P4HTM: variants seen among roughly 807,000 people sequenced by gnomAD.
P4HTM encodes the protein prolyl 4-hydroxylase, transmembrane.
P4HTM carries 33 observed loss-of-function variants against 55.3 expected under a neutral mutation model. That is an observed-to-expected ratio of 0.60 (90% CI 0.45 to 0.80). The LOEUF is 0.80. Among genes scored for constraint, P4HTM ranks in the 30% least tolerant of loss-of-function variants. The pLI, the probability that P4HTM is intolerant of heterozygous loss-of-function variation, is 0.00. For missense variants in P4HTM, 542 were observed against 696.5 expected (o/e 0.78, Z 2.50); for synonymous variants, 272 against 286.4 (o/e 0.95, Z 0.51).
chr3:49,001,646 T>C lies in P4HTM; in HGVS notation c.627+18T>C. On this transcript the variant is annotated intron_variant, in intron 3 of 8. Coordinates refer to ENST00000383729, the MANE Select transcript of P4HTM (RefSeq NM_177939.3). ...TCCGTGAGGTTGGAATCCTGGGACC[T>C]GAGTAGGCTCAGGGTGGGAGTGCCC... is the stretch of plus-strand genomic sequence containing the variant. 2 of 1,601,108 alleles carry C rather than the reference T, an allele frequency of 1.2e-6. No individual in the cohort carries two copies. Among genetic ancestry groups the C allele is most frequent in the Non-Finnish European group, 8.5e-7 (1 of 1,170,872 alleles).
chr3:48,992,473 G>T (rs979292156), intron 2 of P4HTM, among the ~76,000 whole-genome samples: 1 of 151,732 alleles, frequency 6.6e-6, no homozygotes, highest in Middle Eastern at 3.4e-3. Context: ...GGGTGTGGTG[G>T]TGTACACCTG....
Position 49,004,165 on chromosome 3 carries a change from C to T in P4HTM, c.792C>T (p.His264=), listed in dbSNP as rs1394332174. ...LRDFHKYMRS[H]KAESSELVRN... Reference sequence around the variant, plus strand: ...ACTTCCACAAGTACATGAGGAGCCACAAGGCAGAGTCCAGTGAGCTGGTGC... The same window carrying T: ...ACTTCCACAAGTACATGAGGAGCCATAAGGCAGAGTCCAGTGAGCTGGTGC... The change falls in exon 5 of 9, where the codon CAC becomes CAT. Residue 264 remains histidine, a synonymous_variant. Transcript: ENST00000383729. 2 of 1,551,268 alleles carry T rather than the reference C, an allele frequency of 1.3e-6. No homozygotes were observed. Among genetic ancestry groups the T allele is most frequent in the Non-Finnish European group, 8.7e-7 (1 of 1,147,616 alleles).
At position 48,990,385 on chromosome 3, in the gene P4HTM, C is replaced by T. The variant is rs369378345; in HGVS notation, c.129C>T (p.Asp43=). The T allele has an allele frequency of 6.3e-7, 1 of 1,589,248 alleles. No homozygotes were observed. The highest frequency in any genetic ancestry group is 1.1e-5 in the South Asian group (1 of 89,568). Reference sequence around the variant, plus strand: ...CGGCCGGGCTGGGCGACGGCGAGGACGCACCGGTGCGTCCGCTGTGCAAGC... The same window carrying T: ...CGGCCGGGCTGGGCGACGGCGAGGATGCACCGGTGCGTCCGCTGTGCAAGC... ...QAAAGLGDGE[D]APVRPLCKPR... Residue 43 remains aspartate (D), a synonymous_variant, in exon 1 of 9, where the codon GAC becomes GAT. Transcript: ENST00000383729. This position sits in a 1 kb window ranked among gnomAD's most constrained non-coding sequence, Gnocchi z 7.2.
In P4HTM at chr3:48,999,122, G is replaced by A. The variant is rs1022190056; in HGVS notation, c.437-2316G>A. On this transcript the variant is annotated intron_variant, in intron 2 of 8. Transcript: ENST00000383729. This position sits in a 1 kb window ranked among gnomAD's most constrained non-coding sequence, Gnocchi z 4.8. ...AACAAAACGATCCATTTTCCTCTCT[G>A]TGCCTGTCAGCGCCCAGCCCTGATA... is the stretch of plus-strand genomic sequence containing the variant. 6.6e-6 allele frequency: 1 copy of A among 152,194 alleles called. No homozygotes were observed. Among genetic ancestry groups the A allele is most frequent in the Non-Finnish European group, 1.5e-5 (1 of 68,090 alleles). 9.4% of individuals were successfully genotyped at this position (152,194 alleles called of 1,614,324 possible).
At chr3:49,001,373 G>A (rs1301427753) in intron 2 of P4HTM, 65 bp from the exon 3 acceptor site, 1 of 1,484,036 alleles carries the variant, frequency 6.7e-7, no homozygotes, top group African/African-American at 1.4e-5. Context: ...CTGAAGGGAG[G>A]AAGGTACTGG....
At chr3:49,004,325 T>C in intron 5 of P4HTM, 65 bp downstream of exon 5, 1 of 1,429,324 alleles carries the variant, frequency 7.0e-7, no homozygotes, top group East Asian at 2.5e-5. Context: ...TCCACAGAAG[T>C]CCTTGTCTGG....
intron 2 of P4HTM, among the ~76,000 whole-genome samples, chr3:48,994,948 C>T (rs34504524): frequency 0.076 from 11,492 of 152,074 alleles, 577 homozygotes; most frequent in Non-Finnish European, 0.1. Flanking sequence ...TACAGGCACC[C>T]GCCACCACAC....
chr3:48,990,146 C>A (rs1267091730), upstream of P4HTM: 5 of 1,005,840 alleles, frequency 5.0e-6, no homozygotes, highest in South Asian at 2.4e-4. This position sits in a 1 kb window ranked among gnomAD's most constrained non-coding sequence, Gnocchi z 7.2. Flanking sequence ...CCCCAGGCAC[C>A]GTCTCCTAGT....
In P4HTM at chr3:49,006,707, G is replaced by A. The variant is rs765018395; in HGVS notation, c.1309G>A (p.Asp437Asn). 5.0e-6 allele frequency: 8 copies of A among 1,613,642 alleles called. No individual in the cohort carries two copies. In the South Asian group the frequency reaches 5.5e-5, roughly 11 times the overall value. ...DGQGWVGDVD[D>N]YSLHGGCLVT... is the part of the protein sequence containing the mutation. ...TCTAGGTTGGGTGGGTGACGTAGACGACTACTCGCTGCACGGGGGCTGCCT... is the reference window on the plus strand; with the variant it reads ...TCTAGGTTGGGTGGGTGACGTAGACAACTACTCGCTGCACGGGGGCTGCCT... The change falls in exon 9 of 9, where the codon GAC becomes AAC. Residue 437 changes from aspartate to asparagine, a missense_variant. Physicochemically the swap from Asp to Asn is conservative, Grantham distance 23. This residue lies in a region of P4HTM where 536 missense variants were observed against 672.1 expected (regional missense o/e 0.80). Coordinates refer to ENST00000383729, the MANE Select transcript of P4HTM (RefSeq NM_177939.3).
intron 2 of P4HTM, chr3:48,992,096 C>T (rs2092932628): frequency 3.9e-5 from 6 of 152,302 alleles, no homozygotes; most frequent in Non-Finnish European, 5.9e-5. Flanking sequence ...TATTGAGTAA[C>T]GTTGAAGTCT....
chr3:49,000,213 C>T (rs2092957283), intron 2 of P4HTM, among the ~76,000 whole-genome samples: 1 of 152,118 alleles, frequency 6.6e-6, no homozygotes, highest in Admixed American at 6.5e-5. Context: ...GTGCCTTGGG[C>T]AGAGTCTGTG....
intron 6 of P4HTM, 64 bp downstream of exon 6, chr3:49,005,110 A>T: frequency 7.4e-6 from 12 of 1,613,322 alleles, no homozygotes; most frequent in Non-Finnish European, 1.0e-5. Flanking sequence ...TGACACAGGC[A>T]CAGCCCTGCA....
intron 6 of P4HTM, 141 bp downstream of exon 6, chr3:49,005,187 C>A: frequency 6.3e-7 from 1 of 1,587,084 alleles, no homozygotes; most frequent in Non-Finnish European, 8.6e-7. Context: ...GATGCCCTCA[C>A]CTCTCCCCAC....
intron 2 of P4HTM, chr3:48,997,302 T>C (rs2092948817): frequency 6.6e-6 from 1 of 152,264 alleles, no homozygotes. Context: ...AGGCCGTGGT[T>C]ACCAACAGCC....
Position 48,990,481 on chromosome 3 carries a change from G to A in P4HTM, c.225G>A (p.Val75=), listed in dbSNP as rs1269730176. 3.7e-6 allele frequency: 6 copies of A among 1,611,162 alleles called. No homozygotes were observed. The change falls in exon 1 of 9, where the codon GTG becomes GTA. Residue 75 remains valine (V), a synonymous_variant. Transcript: ENST00000383729. The surrounding 1 kb of genome is among the most constrained non-coding windows in gnomAD (Gnocchi z 7.2). ...MVFVHLYLGN[V]LALLLFVHYS... Reference sequence around the variant, plus strand: ...TCGTGCACCTGTACCTGGGTAACGTGCTGGCGCTGCTGCTCTTCGTGCACT... The same window carrying A: ...TCGTGCACCTGTACCTGGGTAACGTACTGGCGCTGCTGCTCTTCGTGCACT...
intron 2 of P4HTM, 76 bp from the exon 3 acceptor site, chr3:49,001,362 C>A (rs1453107537): frequency 1.3e-5 from 18 of 1,410,306 alleles, no homozygotes; most frequent in Non-Finnish European, 1.7e-5. Context: ...CCCCAGGAAC[C>A]CTGAAGGGAG....
Position 49,006,875 on chromosome 3 carries a change from C to A in P4HTM, c.1477C>A (p.Arg493=). 6.2e-7 allele frequency: 1 copy of A among 1,612,616 alleles called. No individual in the cohort carries two copies. Among genetic ancestry groups the A allele is most frequent in the Admixed American group, 1.7e-5 (1 of 60,008 alleles). Residue 493 remains arginine, a synonymous_variant, in exon 9 of 9, where the codon CGG becomes AGG. Transcript: ENST00000383729. The part of the protein sequence containing the change: ...TDSQPEWALD[R]AYRDARVEL ...CTCACAGCCCGAGTGGGCTCTGGACCGGGCCTACCGCGATGCGCGCGTGGA... is the reference window on the plus strand; with the variant it reads ...CTCACAGCCCGAGTGGGCTCTGGACAGGGCCTACCGCGATGCGCGCGTGGA...
Position 48,999,291 on chromosome 3 carries a change from C to T in P4HTM, c.437-2147C>T. 1 of 152,722 alleles carries T rather than the reference C, an allele frequency of 6.5e-6. No homozygotes were observed. Among genetic ancestry groups the T allele is most frequent in the Non-Finnish European group, 1.5e-5 (1 of 68,154 alleles). The allele number at this position is 152,722 out of a possible 1,614,324, so 9.5% of individuals were successfully genotyped here. On this transcript the variant is annotated intron_variant, in intron 2 of 8. Coordinates refer to ENST00000383729, the MANE Select transcript of P4HTM (RefSeq NM_177939.3). This position sits in a 1 kb window ranked among gnomAD's most constrained non-coding sequence, Gnocchi z 4.8. The stretch of plus-strand genomic sequence containing the variant: ...GGTAAATAGCAGAGGAAGAGGCGGG[C>T]ATCGGGGTGGCACTCCCAGGCAAGC...
At chr3:48,995,076 C>T (rs2092941624) in intron 2 of P4HTM, among the ~76,000 whole-genome samples, 1 of 152,162 alleles carries the variant, frequency 6.6e-6, no homozygotes, top group South Asian at 2.1e-4. Flanking sequence ...GCTGGGATTA[C>T]AGACATGAGC....
Sources: gnomAD v4.1 joint callset for allele counts (sites outside exome capture counted in the v4.1 genomes callset) on GRCh38, gnomAD v4.1.1 for gene constraint, gnomAD v4.1.1 regional missense constraint, Gnocchi (gnomAD v3.1) non-coding constraint, MANE v1.5 for transcripts, NCBI Gene and HGNC (gene_info 2026-07-23, HGNC 2026-07-21) for gene names.